NRXN3: variants seen among roughly 807,000 people sequenced by gnomAD.
NRXN3 encodes neurexin 3.
In NRXN3, 32 loss-of-function variants were observed where a neutral mutation model predicts 137.6. The ratio of observed to expected loss-of-function variants is 0.23; its 90% confidence interval spans 0.18 to 0.31. The LOEUF (loss-of-function observed/expected upper bound fraction) is 0.31, where lower values mean the gene tolerates loss of function less well. Ranked by LOEUF, NRXN3 falls within the 10% of genes least tolerant of loss-of-function variation. NRXN3 has a pLI of 1.00. For synonymous variants in NRXN3, 798 were observed against 784.5 expected (o/e 1.02, Z -0.29); for missense variants, 1,574 against 2,062.5 (o/e 0.76, Z 4.59).
At chr14:78,896,364 T>A (rs912836489) in intron 10 of NRXN3, among the ~76,000 whole-genome samples, 4 of 151,906 alleles carry the variant, frequency 2.6e-5, no homozygotes, top group Non-Finnish European at 5.9e-5. Flanking sequence ...ATCTCTTCCA[T>A]CTTGTAAAAT....
intron 4 of NRXN3, among the ~76,000 whole-genome samples, chr14:78,428,170 T>A (rs1334830225): frequency 6.6e-6 from 1 of 152,220 alleles, no homozygotes; most frequent in Non-Finnish European, 1.5e-5. Context: ...GACTTAAGAA[T>A]AATAAGTATT....
At chr14:79,058,824 A>C (rs2099669693) in intron 15 of NRXN3, among the ~76,000 whole-genome samples, 3 of 152,060 alleles carry the variant, frequency 2.0e-5, no homozygotes, top group African/African-American at 7.2e-5. Flanking sequence ...TGATGGTTTT[A>C]TGAACGTGTG....
rs570762592 is a variant in NRXN3, at chr14:79,504,674, T to A, written c.3444+37272T>A. 9.2e-3 allele frequency among the ~76,000 whole-genome samples: 1,316 copies of A among 143,436 alleles called. 58 individuals are homozygous for A. Among genetic ancestry groups the A allele is most frequent in the African/African-American group, 0.031 (1,202 of 38,400 alleles). The allele number at this position is 143,436 out of a possible 152,430, so 94.1% of individuals were successfully genotyped here. A position where few individuals can be genotyped will look rare whatever the true frequency, so the allele number is the denominator to read the frequency against. On this transcript the variant is annotated intron_variant, in intron 16 of 20. Transcript: ENST00000335750. ...ATATATGTATATATATATATATATA[T>A]AAAACATTACACATTTAGGACATTT...
At chr14:79,245,857 C>T (rs1049222894) in intron 15 of NRXN3, among the ~76,000 whole-genome samples, 1 of 152,014 alleles carries the variant, frequency 6.6e-6, no homozygotes, top group Non-Finnish European at 1.5e-5. Flanking sequence ...CAGAAACACA[C>T]ATAAATTGTT....
intron 4 of NRXN3, among the ~76,000 whole-genome samples, chr14:78,430,522 A>T (rs1161977372): frequency 6.6e-6 from 1 of 152,218 alleles, no homozygotes; most frequent in African/African-American, 2.4e-5. Context: ...GGTTTTATAA[A>T]TACTAGTCCA....
At chr14:78,759,759 C>T (rs896940104) in intron 8 of NRXN3, among the ~76,000 whole-genome samples, 1 of 152,156 alleles carries the variant, frequency 6.6e-6, no homozygotes, top group African/African-American at 2.4e-5. Flanking sequence ...AAAAGCTTAA[C>T]AGAAGGAGTA....
intron 2 of NRXN3, among the ~76,000 whole-genome samples, chr14:78,246,904 AG>A (rs1456478460): frequency 6.6e-6 from 1 of 152,238 alleles, no homozygotes; most frequent in Non-Finnish European, 1.5e-5. Flanking sequence ...TACTGAGACC[AG>A]GGGGCTTATT....
At chr14:78,970,128 G>A (rs561171893) in intron 14 of NRXN3, among the ~76,000 whole-genome samples, 5 of 152,188 alleles carry the variant, frequency 3.3e-5, no homozygotes, top group African/African-American at 1.2e-4. Flanking sequence ...ATTAGAAAGC[G>A]TAAGATACTG....
intron 3 of NRXN3, among the ~76,000 whole-genome samples, chr14:78,292,683 G>A (rs559022085): frequency 6.6e-6 from 1 of 152,300 alleles, no homozygotes; most frequent in African/African-American, 2.4e-5. Context: ...GAACTTTAAT[G>A]GTGCTGCATT....
At chr14:79,393,585 C>T (rs1217604941) in intron 15 of NRXN3, among the ~76,000 whole-genome samples, 2 of 152,096 alleles carry the variant, frequency 1.3e-5, no homozygotes, top group South Asian at 2.1e-4. Flanking sequence ...GAGGCCGAGG[C>T]GGGCGGATCA....
At chr14:78,211,391 C>T (rs1217327761) in intron 1 of NRXN3, among the ~76,000 whole-genome samples, 2 of 152,208 alleles carry the variant, frequency 1.3e-5, no homozygotes, top group East Asian at 1.9e-4. Context: ...AGTTTTTCTC[C>T]ACCGTTTCAC....
intron 10 of NRXN3, among the ~76,000 whole-genome samples, chr14:78,916,135 T>A (rs1014129387): frequency 6.6e-6 from 1 of 152,070 alleles, no homozygotes; most frequent in Non-Finnish European, 1.5e-5. Flanking sequence ...TTACATTACT[T>A]ACTGTCGAAA....
intron 17 of NRXN3, among the ~76,000 whole-genome samples, chr14:79,681,423 A>G (rs1376762446): frequency 6.6e-6 from 1 of 151,990 alleles, no homozygotes; most frequent in Non-Finnish European, 1.5e-5. Flanking sequence ...GTTGGCTTGG[A>G]TGGAGCTAGA....
intron 10 of NRXN3, among the ~76,000 whole-genome samples, chr14:78,907,364 C>T (rs538278385): frequency 5.0e-4 from 76 of 152,060 alleles, no homozygotes; most frequent in Non-Finnish European, 6.9e-4. Context: ...TCCATCACAC[C>T]GGTTTTCTAG....
intron 16 of NRXN3, among the ~76,000 whole-genome samples, chr14:79,469,051 C>T (rs1294293082): frequency 6.6e-6 from 1 of 152,234 alleles, no homozygotes; most frequent in Admixed American, 6.5e-5. Context: ...ATTTATGCTA[C>T]ATATAACTTA....
At chr14:79,093,378 G>A (rs1452177815) in intron 15 of NRXN3, among the ~76,000 whole-genome samples, 5 of 152,196 alleles carry the variant, frequency 3.3e-5, no homozygotes, top group Admixed American at 6.5e-5. Flanking sequence ...AGGAGTTTAA[G>A]CTTTATTCTG....
intron 15 of NRXN3, among the ~76,000 whole-genome samples, chr14:78,998,796 G>GT (rs1424188217): frequency 1.3e-5 from 2 of 148,316 alleles, no homozygotes; most frequent in Non-Finnish European, 3.0e-5. Flanking sequence ...TAGAGACGGG[G>GT]TTTCACCATG....
chr14:79,768,197 G>T (rs1441915197), intron 19 of NRXN3, among the ~76,000 whole-genome samples: 1 of 152,216 alleles, frequency 6.6e-6, no homozygotes, highest in African/African-American at 2.4e-5. Context: ...GACTGGGGGA[G>T]GGGCGCCTGC....
At chr14:78,735,189 A>G (rs577257659) in intron 8 of NRXN3, among the ~76,000 whole-genome samples, 1 of 152,248 alleles carries the variant, frequency 6.6e-6, no homozygotes, top group Non-Finnish European at 1.5e-5. Flanking sequence ...AAAACAAATC[A>G]GGACTTAGTA....
Sources: gnomAD v4.1 joint callset for allele counts (sites outside exome capture counted in the v4.1 genomes callset) on GRCh38, gnomAD v4.1.1 for gene constraint, MANE v1.5 for transcripts, NCBI Gene and HGNC (gene_info 2026-07-23, HGNC 2026-07-21) for gene names.